Variants in MMP27 observed in about 807,000 individuals in gnomAD.
The protein encoded by MMP27 is matrix metallopeptidase 27, also known as matrix metalloproteinase-27.
MMP27 carries 51 observed loss-of-function variants against 48.1 expected under a neutral mutation model. The ratio of observed to expected loss-of-function variants is 1.06; its 90% CI spans 0.85 to 1.34. The LOEUF (loss-of-function observed/expected upper bound fraction) is 1.34, where lower values mean the gene tolerates loss of function less well. Ranked by LOEUF, MMP27 falls within the 40% of genes most tolerant of loss-of-function variation. The pLI is 0.00. For missense variants in MMP27, 698 were observed against 619.3 expected (o/e 1.13, Z -1.35); for synonymous variants, 229 against 208.9 (o/e 1.10, Z -0.83).
chr11:102,697,704 C>A (rs552332871), intron 4 of MMP27, among the ~76,000 whole-genome samples: 2 of 152,092 alleles, frequency 1.3e-5, no homozygotes, highest in Admixed American at 1.3e-4. Context: ...GGGGGTCTCA[C>A]TATGTTGCCC....
intron 8 of MMP27, among the ~76,000 whole-genome samples, chr11:102,693,449 G>A (rs180707409): frequency 2.0e-5 from 3 of 151,704 alleles, no homozygotes; most frequent in South Asian, 4.2e-4. Flanking sequence ...GATCTCTTTC[G>A]GCTTGATAAA....
At chr11:102,693,143 T>C (rs1229246781) in intron 8 of MMP27, 102 bp from the exon 9 acceptor site, 8 of 743,522 alleles carry the variant, frequency 1.1e-5, no homozygotes, top group Middle Eastern at 2.4e-4. Context: ...GGGGAATACA[T>C]AGGCATAGTA....
chr11:102,694,148 T>G, intron 7 of MMP27, 83 bp from the exon 8 acceptor site: 1 of 993,732 alleles, frequency 1.0e-6, no homozygotes, highest in Non-Finnish European at 1.4e-6. Context: ...GATACCTAGT[T>G]CCTTTTAGCT....
At position 102,696,240 on chromosome 11, in the gene MMP27, G is replaced by A. The variant is rs1565426349; in HGVS notation, c.902+131C>T. 5.9e-6 allele frequency: 5 copies of A among 853,116 alleles called. No homozygotes were observed. In the South Asian group the frequency reaches 6.7e-5, roughly 11 times the overall value. 52.8% of individuals were successfully genotyped at this position (853,116 alleles called of 1,614,324 possible). A position where few individuals can be genotyped will look rare whatever the true frequency, so the allele number is the denominator to read the frequency against. ...ACACATATGGTAAAGCATTCAAACA[G>A]TATAGGCAGTTATAAAATGAAGATA... is the stretch of plus-strand genomic sequence containing the variant. On this transcript the variant is annotated intron_variant, in intron 6 of 9. Coordinates refer to ENST00000260229, the MANE Select transcript of MMP27 (RefSeq NM_022122.3).
rs780730455 is a variant in MMP27, at chr11:102,695,097, C to A, written c.903G>T (p.Arg301Ser). Residue 301 changes from arginine (R) to serine (S), a missense_variant and splice_region_variant, in exon 7 of 10, where the codon AGG becomes AGT. Arg to Ser is a moderately radical substitution (Grantham distance 110). Coordinates refer to ENST00000260229, the MANE Select transcript of MMP27 (RefSeq NM_022122.3). ...FRREVMFFKG[R>S]HLWRIYYDIT... ...TATCATAATAGATCCTCCATAGGTGCCTGTGTTAAACAAAAAACACTTTAC... is the reference window on the plus strand; with the variant it reads ...TATCATAATAGATCCTCCATAGGTGACTGTGTTAAACAAAAAACACTTTAC... The A allele has an allele frequency of 1.2e-6, 2 of 1,612,522 alleles. No homozygotes were observed. The highest frequency in any genetic ancestry group is 1.7e-5 in the Admixed American group (1 of 59,950).
chr11:102,696,314 T>C, intron 6 of MMP27, 57 bp downstream of exon 6: 1 of 1,593,444 alleles, frequency 6.3e-7, no homozygotes, highest in South Asian at 1.1e-5. Context: ...TATCCTCAAA[T>C]CTCTTGAAAA....
chr11:102,696,997 T>G (rs745737290), intron 4 of MMP27, among the ~76,000 whole-genome samples, 162 bp from the exon 5 acceptor site: 2 of 152,228 alleles, frequency 1.3e-5, no homozygotes, highest in Non-Finnish European at 2.9e-5. Flanking sequence ...GCAATGCTAA[T>G]AAGTCATGTG....
In MMP27 at chr11:102,696,460, C is replaced by A. The variant is rs1860829163; in HGVS notation, c.813G>T (p.Lys271Asn). The A allele has an allele frequency of 1.2e-6, 2 of 1,613,592 alleles. No homozygotes were observed. The highest frequency in any genetic ancestry group is 2.2e-5 in the South Asian group (2 of 91,072). ...GGLPKEPAKP[K>N]EPTIPHACDP... ...CACAGGCATGGGGTATAGTGGGTTC[C>A]TTTGGCTTAGCAGGTTCCTTAGGCA... The change falls in exon 6 of 10, where the codon AAG (lysine) becomes AAT (asparagine). Residue 271 changes from lysine (K) to asparagine (N), a missense_variant. Coordinates refer to ENST00000260229, the MANE Select transcript of MMP27 (RefSeq NM_022122.3).
intron 5 of MMP27, 59 bp downstream of exon 5, chr11:102,696,615 T>G (rs1192337305): frequency 6.4e-7 from 1 of 1,571,228 alleles, no homozygotes; most frequent in African/African-American, 1.4e-5. Flanking sequence ...TTTCTTAACT[T>G]CCTTTCTGAA....
In MMP27 at chr11:102,698,407, A is replaced by T. The variant is rs112388716; in HGVS notation, c.620-1572T>A. On this transcript the variant is annotated intron_variant, in intron 4 of 9. Coordinates refer to ENST00000260229, the MANE Select transcript of MMP27 (RefSeq NM_022122.3). Reference sequence around the variant, plus strand: ...CATAACTTTAATTGGTACTAGTCACATCATGGAAAAATATAGCCTAGGGTA... The same window carrying T: ...CATAACTTTAATTGGTACTAGTCACTTCATGGAAAAATATAGCCTAGGGTA... 6.1e-4 allele frequency among the ~76,000 whole-genome samples: 93 copies of T among 152,242 alleles called. 1 individual carries two copies. Among genetic ancestry groups the T allele is most frequent in the African/African-American group, 2.1e-3 (87 of 41,560 alleles).
chr11:102,696,620 TC>T, intron 5 of MMP27, 53 bp downstream of exon 5: 1 of 1,570,360 alleles, frequency 6.4e-7, no homozygotes, highest in Non-Finnish European at 8.6e-7. Flanking sequence ...TAACTTCCTT[TC>T]TGAAAAGCTT....
At position 102,702,781 on chromosome 11, in the gene MMP27, C is replaced by T; in HGVS notation, c.591G>A (p.Glu197=). Residue 197 remains glutamate (E), a synonymous_variant, in exon 4 of 10, where the codon GAG becomes GAA. Coordinates refer to ENST00000260229, the MANE Select transcript of MMP27 (RefSeq NM_022122.3). ...PGLGGDTHFD[E]DENWTKDGAG... ...CTCCATCCTTGGTCCAGTTTTCATC[C>T]TCATCAAAATGAGTGTCACCACCCA... 1 of 1,613,256 alleles carries T rather than the reference C, an allele frequency of 6.2e-7. No individual in the cohort carries two copies.
chr11:102,704,065 T>A (rs969921629), intron 2 of MMP27, among the ~76,000 whole-genome samples: 1 of 152,164 alleles, frequency 6.6e-6, no homozygotes, highest in African/African-American at 2.4e-5. Flanking sequence ...CCTTGAGATG[T>A]CTGAGGGAAA....
At chr11:102,699,810 C>G (rs952233204) in intron 4 of MMP27, among the ~76,000 whole-genome samples, 1 of 152,224 alleles carries the variant, frequency 6.6e-6, no homozygotes, top group African/African-American at 2.4e-5. Flanking sequence ...TAATCTGAAT[C>G]CTATTCGCCA....
intron 2 of MMP27, 116 bp downstream of exon 2, chr11:102,704,421 A>G: frequency 1.3e-6 from 1 of 793,446 alleles, no homozygotes; most frequent in Non-Finnish European, 2.1e-6. Flanking sequence ...ATGGAGCCTA[A>G]GATGTGCTGT....
Position 102,692,020 on chromosome 11 carries a change from G to T in MMP27, c.1298-10C>A. The T allele has an allele frequency of 6.3e-7, 1 of 1,582,602 alleles. No individual in the cohort carries two copies. Among genetic ancestry groups the T allele is most frequent in the East Asian group, 2.3e-5 (1 of 44,312 alleles). On this transcript the variant is annotated splice_polypyrimidine_tract_variant and intron_variant, in intron 9 of 9. Transcript: ENST00000260229. ...CTGAAAAAGAAGAATCCTAGAGACA[G>T]GGAATCAGGATTAGTTATCTTTCAT...
chr11:102,702,906 A>G, intron 3 of MMP27, 25 bp from the exon 4 acceptor site: 1 of 1,612,210 alleles, frequency 6.2e-7, no homozygotes, highest in African/African-American at 1.3e-5. Flanking sequence ...ATGCGAGGAA[A>G]AAAGATCAGC....
Position 102,694,070 on chromosome 11 carries a change from G to C in MMP27, c.1034-5C>G. 1 of 1,542,934 alleles carries C rather than the reference G, an allele frequency of 6.5e-7. No homozygotes were observed. The highest frequency in any genetic ancestry group is 8.7e-7 in the Non-Finnish European group (1 of 1,148,502). On this transcript the variant is annotated splice_polypyrimidine_tract_variant and splice_region_variant and intron_variant, in intron 7 of 9. Coordinates refer to ENST00000260229, the MANE Select transcript of MMP27 (RefSeq NM_022122.3). ...TGATCATCCAGAAGTTTTCATCTAG[G>C]AAGAGAGGAGTGATTATTTATTTTC...
chr11:102,700,435 T>A (rs1003527235), intron 4 of MMP27, among the ~76,000 whole-genome samples: 3 of 152,258 alleles, frequency 2.0e-5, no homozygotes, highest in Non-Finnish European at 4.4e-5. Flanking sequence ...GAATCTTTGA[T>A]GTCAAGCACT....
Sources: allele counts gnomAD v4.1 joint callset (sites outside exome capture counted in the v4.1 genomes callset), GRCh38; gene constraint gnomAD v4.1.1; transcripts MANE v1.5; gene names NCBI Gene and HGNC (gene_info 2026-07-23, HGNC 2026-07-21).